The following NFATC2 variants were observed in gnomAD, a reference collection of about 807,000 sequenced individuals.
NFATC2 encodes the protein nuclear factor of activated T-cells, cytoplasmic 2.
NFATC2 carries 22 observed loss-of-function variants against 87.3 expected under a neutral mutation model. The observed-to-expected ratio is 0.25, with a 90% CI of 0.18 to 0.36. The LOEUF is 0.36. Among genes scored for constraint, NFATC2 ranks in the 10% least tolerant of loss-of-function variants. The pLI, the probability that NFATC2 is intolerant of heterozygous loss-of-function variation, is 1.00. For synonymous variants in NFATC2, 565 were observed against 542.2 expected (o/e 1.04, Z -0.58); for missense variants, 1,149 against 1,259.1 (o/e 0.91, Z 1.32).
Position 51,432,806 on chromosome 20 carries a change from A to T in NFATC2, c.2033-50T>A. Reference sequence around the variant, plus strand: ...GGGCGCCCATGGCAGTGAGCCACGGATGTGCACGGAGGATTCGTGGATGGT... The same window carrying T: ...GGGCGCCCATGGCAGTGAGCCACGGTTGTGCACGGAGGATTCGTGGATGGT... On this transcript the variant is annotated intron_variant, in intron 8 of 10. Transcript: ENST00000371564. The surrounding 1 kb of genome is among the most constrained non-coding windows in gnomAD (Gnocchi z 4.6). The T allele has an allele frequency of 1.4e-6, 2 of 1,473,126 alleles. No individual in the cohort carries two copies. Among genetic ancestry groups the T allele is most frequent in the South Asian group, 1.4e-5 (1 of 73,668 alleles). The allele number at this position is 1,473,126 out of a possible 1,614,324, so 91.3% of individuals were successfully genotyped here.
At position 51,562,458 on chromosome 20, in the gene NFATC2, C is replaced by T. The variant is rs2077041011; in HGVS notation, c.70+102G>A. The T allele has an allele frequency of 9.0e-7, 1 of 1,106,546 alleles. No individual in the cohort carries two copies. The highest frequency in any genetic ancestry group is 1.3e-6 in the Non-Finnish European group (1 of 763,184). 68.5% of individuals were successfully genotyped at this position (1,106,546 alleles called of 1,614,324 possible). On this transcript the variant is annotated intron_variant, in intron 1 of 10. Coordinates refer to the NFATC2 transcript ENST00000414705. The surrounding 1 kb of genome is among the most constrained non-coding windows in gnomAD (Gnocchi z 5.8). ...AGCGGGGTCCCCAGGCCTCCCGCAC[C>T]GACCTCTGCCGGGAGCTGAAAGTGC...
Position 51,517,927 on chromosome 20 carries a change from A to T in NFATC2, c.1161-972T>A, listed in dbSNP as rs985331155. Among the ~76,000 whole-genome samples the T allele has an allele frequency of 2.8e-4, 43 of 151,142 alleles. 2 individuals carry two copies. Among genetic ancestry groups the T allele is most frequent in the African/African-American group, 1.0e-3 (41 of 41,046 alleles). ...GAGACTGTCTCAAAAAAAAAAAAAA[A>T]CATAAACAAAACAGTATTATAATCT... is the stretch of plus-strand genomic sequence containing the variant. On this transcript the variant is annotated intron_variant, in intron 2 of 10. Coordinates refer to ENST00000371564, the MANE Select transcript of NFATC2 (RefSeq NM_012340.5).
At chr20:51,528,832 T>C (rs1600961155) in intron 1 of NFATC2, among the ~76,000 whole-genome samples, 1 of 152,232 alleles carries the variant, frequency 6.6e-6, no homozygotes, top group Admixed American at 6.5e-5. Context: ...TTTGGAAAAG[T>C]CCCCCACCCA....
intron 1 of NFATC2, among the ~76,000 whole-genome samples, chr20:51,533,860 C>T (rs984533672): frequency 6.6e-6 from 1 of 152,186 alleles, no homozygotes; most frequent in East Asian, 1.9e-4. Flanking sequence ...GAATCTGCAA[C>T]CCGCAGGCCT....
intron 3 of NFATC2, among the ~76,000 whole-genome samples, chr20:51,504,656 G>C (rs1015242041): frequency 6.6e-6 from 1 of 152,214 alleles, no homozygotes; most frequent in Non-Finnish European, 1.5e-5. Flanking sequence ...AGTTAAGAGC[G>C]TGGGCTTTTG....
In NFATC2 at chr20:51,485,069, G is replaced by A. The variant is rs182543413; in HGVS notation, c.1333-9409C>T. ...AAAATTAAAAACAGACATATCTACC[G>A]CATAGCAAGCACGCTCACTCAAGAG... On this transcript the variant is annotated intron_variant, in intron 3 of 10. Transcript: ENST00000371564. 4.6e-3 allele frequency among the ~76,000 whole-genome samples: 696 copies of A among 152,244 alleles called. 11 individuals are homozygous for A. Among genetic ancestry groups the A allele is most frequent in the Admixed American group, 0.036 (557 of 15,296 alleles).
intron 6 of NFATC2, among the ~76,000 whole-genome samples, chr20:51,444,312 CAG>C (rs1984766142): frequency 1.3e-5 from 2 of 151,798 alleles, no homozygotes; most frequent in Admixed American, 1.3e-4. Flanking sequence ...ATCTTCACTG[CAG>C]AGTCAACTCC....
At chr20:51,477,533 G>GTATA (rs1203933981) in intron 3 of NFATC2, among the ~76,000 whole-genome samples, 9 of 68,540 alleles carry the variant, frequency 1.3e-4, no homozygotes, top group African/African-American at 5.5e-4. Context: ...GTGTGTGTGT[G>GTATA]TCTATATATA....
rs763836299 is a variant in NFATC2, at chr20:51,435,317, A to G, written c.1906-3T>C. On this transcript the variant is annotated splice_region_variant and splice_polypyrimidine_tract_variant and intron_variant, in intron 7 of 10. Coordinates refer to ENST00000371564, the MANE Select transcript of NFATC2 (RefSeq NM_012340.5). Reference sequence around the variant, plus strand: ...GGGATCTCAACAAAAAGCATGTTCTATAAGGAAGGAGTTGTCATGAACTTA... The same window carrying G: ...GGGATCTCAACAAAAAGCATGTTCTGTAAGGAAGGAGTTGTCATGAACTTA... The G allele has an allele frequency of 1.2e-6, 2 of 1,614,160 alleles. No individual in the cohort carries two copies. Among genetic ancestry groups the G allele is most frequent in the Non-Finnish European group, 1.7e-6 (2 of 1,180,024 alleles).
At chr20:51,506,195 G>C (rs2076176166) in intron 3 of NFATC2, among the ~76,000 whole-genome samples, 1 of 152,162 alleles carries the variant, frequency 6.6e-6, no homozygotes, top group Non-Finnish European at 1.5e-5. Context: ...GCTCGGCCAG[G>C]GTCAGCCTGC....
chr20:51,499,639 A>G (rs911046641), intron 3 of NFATC2, among the ~76,000 whole-genome samples: 2 of 151,666 alleles, frequency 1.3e-5, no homozygotes, highest in African/African-American at 4.8e-5. Context: ...GCTGCTTTGG[A>G]GGCTGAGGCA....
chr20:51,550,737 C>T lies in NFATC2; in HGVS notation c.70+11823G>A, dbSNP rs80278640. On this transcript the variant is annotated intron_variant, in intron 1 of 10. Coordinates refer to the NFATC2 transcript ENST00000414705. ...GCAATTGATTTTAGGCAAAATAACC[C>T]AACACAAAGACTACTTTATAATGAG... Among the ~76,000 whole-genome samples, 1,433 of 152,222 alleles carry T rather than the reference C, an allele frequency of 9.4e-3. 23 individuals carry two copies. Among genetic ancestry groups the T allele is most frequent in the African/African-American group, 0.032 (1,317 of 41,518 alleles).
At chr20:51,400,626 C>CTTCT (rs1310050993) in intron 9 of NFATC2, among the ~76,000 whole-genome samples, 5 of 152,294 alleles carry the variant, frequency 3.3e-5, no homozygotes, top group Non-Finnish European at 7.3e-5. Context: ...TCTTTGTCAG[C>CTTCT]TTCTTTGTGG....
chr20:51,430,278 A>C (rs557609733), intron 9 of NFATC2, among the ~76,000 whole-genome samples: 1 of 152,048 alleles, frequency 6.6e-6, no homozygotes, highest in Non-Finnish European at 1.5e-5. Context: ...AATACAATCG[A>C]TCCCCCAGGG....
intron 9 of NFATC2, among the ~76,000 whole-genome samples, chr20:51,403,215 T>G (rs1218969545): frequency 6.6e-6 from 1 of 152,224 alleles, no homozygotes; most frequent in Non-Finnish European, 1.5e-5. Flanking sequence ...CCTCCATACC[T>G]TCCAGATTCA....
At chr20:51,427,929 A>G (rs1982094740) in intron 9 of NFATC2, among the ~76,000 whole-genome samples, 1 of 152,188 alleles carries the variant, frequency 6.6e-6, no homozygotes, top group African/African-American at 2.4e-5. Context: ...TCGCTTACCT[A>G]CTAAACAATC....
intron 3 of NFATC2, among the ~76,000 whole-genome samples, chr20:51,506,426 C>T (rs966143220): frequency 3.3e-5 from 5 of 152,168 alleles, no homozygotes; most frequent in African/African-American, 7.2e-5. Flanking sequence ...CTTTGACATT[C>T]GCAATGTCTC....
At chr20:51,540,428 A>G (rs2076788553) in intron 1 of NFATC2, among the ~76,000 whole-genome samples, 1 of 151,990 alleles carries the variant, frequency 6.6e-6, no homozygotes, top group South Asian at 2.1e-4. Context: ...TACAACCAAC[A>G]CTCCTCAAAA....
rs759759763 is a variant in NFATC2 at position 51,524,125 on chromosome 20, G to T, written c.131-15C>A. On this transcript the variant is annotated splice_polypyrimidine_tract_variant and intron_variant, in intron 1 of 10. Coordinates refer to ENST00000371564, the MANE Select transcript of NFATC2 (RefSeq NM_012340.5). The surrounding 1 kb of genome is among the most constrained non-coding windows in gnomAD (Gnocchi z 4.0). Reference sequence around the variant, plus strand: ...ATTCGGCTCTTCTGGAAAGAGAAGGGGGAAGGGGGTTCTTTTTAAGCCTCA... The same window carrying T: ...ATTCGGCTCTTCTGGAAAGAGAAGGTGGAAGGGGGTTCTTTTTAAGCCTCA... 1 of 1,442,040 alleles carries T rather than the reference G, an allele frequency of 6.9e-7. No homozygotes were observed. Among genetic ancestry groups the T allele is most frequent in the African/African-American group, 1.5e-5 (1 of 67,356 alleles). 89.3% of individuals were successfully genotyped at this position (1,442,040 alleles called of 1,614,324 possible).
Sources: allele counts gnomAD v4.1 joint callset (sites outside exome capture counted in the v4.1 genomes callset), GRCh38; gene constraint gnomAD v4.1.1; non-coding constraint Gnocchi (gnomAD v3.1); transcripts MANE v1.5; gene names NCBI Gene and HGNC (gene_info 2026-07-23, HGNC 2026-07-21).